ZNF483: variants seen among roughly 807,000 people sequenced by gnomAD.
ZNF483 encodes the protein zinc finger protein HIT-10.
ZNF483 carries 9 observed loss-of-function variants against 28.6 expected under a neutral mutation model. That is an observed-to-expected ratio of 0.32 (90% CI 0.19 to 0.55). The LOEUF is 0.55. Among genes scored for constraint, ZNF483 ranks in the 20% least tolerant of loss-of-function variants. The pLI is 0.93. For synonymous variants in ZNF483, 322 were observed against 306.2 expected, an observed-to-expected ratio of 1.05 and a Z score of -0.54; for missense variants, 675 against 871.7, an observed-to-expected ratio of 0.77 and a Z score of 2.84.
chr9:111,558,695 T>C (rs1310437604), downstream of ZNF483, among the ~76,000 whole-genome samples: 1 of 152,196 alleles, frequency 6.6e-6, no homozygotes, highest in Non-Finnish European at 1.5e-5. Context: ...CAGAGTTATA[T>C]ATATATGTGC....
rs924454546 is a variant in ZNF483 at position 111,546,775 on chromosome 9, A to G, written c.*3605A>G. 1.3e-5 allele frequency among the ~76,000 whole-genome samples: 2 copies of G among 152,156 alleles called. No individual in the cohort carries two copies. Among genetic ancestry groups the G allele is most frequent in the Admixed American group, 6.5e-5 (1 of 15,274 alleles). On this transcript the variant is annotated 3_prime_UTR_variant, in exon 6 of 6. Coordinates refer to ENST00000309235, the MANE Select transcript of ZNF483 (RefSeq NM_133464.5). The stretch of plus-strand genomic sequence containing the variant: ...CACATTTTGTGCAGTCATCACCACT[A>G]TCCATCTCCAGAACTTTTTCATCAT...
intron 5 of ZNF483, among the ~76,000 whole-genome samples, chr9:111,573,970 G>A (rs1172789124): frequency 1.3e-5 from 2 of 152,140 alleles, no homozygotes; most frequent in Admixed American, 6.6e-5. Flanking sequence ...CCCTTTTAGT[G>A]GCAATTGTCA....
At chr9:111,557,903 C>T (rs1335784009), downstream of ZNF483, among the ~76,000 whole-genome samples, 3 of 151,904 alleles carry the variant, frequency 2.0e-5, no homozygotes, top group African/African-American at 7.3e-5. Flanking sequence ...AATCCCAGCG[C>T]TTTGGGAGGC....
At chr9:111,532,866 G>A (rs775116639) in intron 3 of ZNF483, among the ~76,000 whole-genome samples, 5 of 151,298 alleles carry the variant, frequency 3.3e-5, no homozygotes, top group Non-Finnish European at 7.4e-5. Flanking sequence ...CCGAGATCAT[G>A]CCACTGCACT....
intron 5 of ZNF483, among the ~76,000 whole-genome samples, chr9:111,573,416 C>T (rs541783092): frequency 6.6e-6 from 1 of 152,208 alleles, no homozygotes; most frequent in Non-Finnish European, 1.5e-5. Flanking sequence ...CTAGCCCCCC[C>T]ATCTCCATAC....
chr9:111,529,883 A>G (rs968668547), intron 2 of ZNF483, among the ~76,000 whole-genome samples: 1 of 152,230 alleles, frequency 6.6e-6, no homozygotes, highest in African/African-American at 2.4e-5. Flanking sequence ...TAGAACAGTA[A>G]GAGTATCTTT....
rs550379725 is a variant in ZNF483 at position 111,554,473 on chromosome 9, A to G, written c.*11303A>G. On this transcript the variant is annotated 3_prime_UTR_variant, in exon 6 of 6. Transcript: ENST00000309235. ...AACTCTTTCTTCCCACACTTAATGC[A>G]TACAGTAGCCCCCTTATCCATGGGG... Among the ~76,000 whole-genome samples the G allele has an allele frequency of 2.0e-5, 3 of 152,316 alleles. No individual in the cohort carries two copies. Among genetic ancestry groups the G allele is most frequent in the South Asian group, 2.1e-4 (1 of 4,826 alleles).
intron 5 of ZNF483, among the ~76,000 whole-genome samples, chr9:111,536,872 T>C (rs545778216): frequency 6.6e-6 from 1 of 152,304 alleles, no homozygotes; most frequent in East Asian, 1.9e-4. Flanking sequence ...AGAAAAATGC[T>C]ATTAAGACAA....
At position 111,548,240 on chromosome 9, in the gene ZNF483, G is replaced by T. The variant is rs1248499383; in HGVS notation, c.*5070G>T. ...GAATTTGTAGATCGCTTTGGGTAAT[G>T]TGGACATACTAACAATAACAAACAT... On this transcript the variant is annotated 3_prime_UTR_variant, in exon 6 of 6. Transcript: ENST00000309235. Among the ~76,000 whole-genome samples the T allele has an allele frequency of 6.6e-6, 1 of 152,154 alleles. No individual in the cohort carries two copies. Among genetic ancestry groups the T allele is most frequent in the Non-Finnish European group, 1.5e-5 (1 of 67,992 alleles).
intron 5 of ZNF483, among the ~76,000 whole-genome samples, chr9:111,540,138 ATTTTAAAAAAT>A (rs1827637295): frequency 6.6e-6 from 1 of 152,206 alleles, no homozygotes; most frequent in African/African-American, 2.4e-5. Context: ...TCTCTAAAAA[ATTTTAAAAAAT>A]TTTTTAAAAA....
Position 111,543,456 on chromosome 9 carries a change from A to G in ZNF483, c.*286A>G. ...AGGGGATTTCTCTCTGATTTCTTCT[A>G]CTACCATGTAGTGTGATGGAGAGAA... On this transcript the variant is annotated 3_prime_UTR_variant, in exon 6 of 6. Transcript: ENST00000309235. The G allele has an allele frequency of 8.6e-7, 1 of 1,157,578 alleles. No individual in the cohort carries two copies. Among genetic ancestry groups the G allele is most frequent in the South Asian group, 2.6e-5 (1 of 38,418 alleles). The allele number at this position is 1,157,578 out of a possible 1,614,324, so 71.7% of individuals were successfully genotyped here.
rs750055965 is a variant in ZNF483, at chr9:111,530,960, C to G, written c.498C>G (p.Ser166=). 6.7e-7 allele frequency: 1 copy of G among 1,488,948 alleles called. No individual in the cohort carries two copies. The highest frequency in any genetic ancestry group is 9.1e-7 in the Non-Finnish European group (1 of 1,097,118). 92.2% of individuals were successfully genotyped at this position (1,488,948 alleles called of 1,614,324 possible). The part of the protein sequence containing the change: ...KMVTVCPNTE[S]CESITLKDVA... ...TCACTGTTTGTCCCAATACTGAGTCCTGTGTAAGTTTCCTTTGATGGTTTT... is the reference window on the plus strand; with the variant it reads ...TCACTGTTTGTCCCAATACTGAGTCGTGTGTAAGTTTCCTTTGATGGTTTT... The change falls in exon 3 of 6, where the codon TCC becomes TCG. Residue 166 remains serine, a synonymous_variant. Transcript: ENST00000309235.
downstream of ZNF483, among the ~76,000 whole-genome samples, chr9:111,556,431 C>T (rs1431577833): frequency 6.6e-6 from 1 of 152,212 alleles, no homozygotes; most frequent in African/African-American, 2.4e-5. Context: ...GGCTCCATCC[C>T]CATGTTATCC....
At chr9:111,567,051 A>G (rs1454933064) in intron 5 of ZNF483, among the ~76,000 whole-genome samples, 12 of 150,530 alleles carry the variant, frequency 8.0e-5, no homozygotes, top group Non-Finnish European at 1.5e-4. Flanking sequence ...ACGGCACTGC[A>G]CTCCAGCCTG....
At position 111,546,834 on chromosome 9, in the gene ZNF483, ACT is replaced by A. The variant is rs1221942502; in HGVS notation, c.*3666_*3667del. Among the ~76,000 whole-genome samples, 1 of 151,766 alleles carries A rather than the reference ACT, an allele frequency of 6.6e-6. No homozygotes were observed. Among genetic ancestry groups the A allele is most frequent in the Non-Finnish European group, 1.5e-5 (1 of 67,910 alleles). ...GAAACTCTGTACTCCTTAAACAGTAACTCCCCATTTTCTCCTCCTCAGGCTCC... is the reference window on the plus strand; with the variant it reads ...GAAACTCTGTACTCCTTAAACAGTAACCCCATTTTCTCCTCCTCAGGCTCC... On this transcript the variant is annotated 3_prime_UTR_variant, in exon 6 of 6. Transcript: ENST00000309235.
At chr9:111,531,537 C>G (rs750498836) in intron 3 of ZNF483, among the ~76,000 whole-genome samples, 1 of 151,812 alleles carries the variant, frequency 6.6e-6, no homozygotes, top group Non-Finnish European at 1.5e-5. Flanking sequence ...CCACCATGCC[C>G]GGCTAATTTT....
chr9:111,576,285 T>C, intron 5 of ZNF483: 6 of 1,443,740 alleles, frequency 4.2e-6, no homozygotes, highest in Non-Finnish European at 5.8e-6. Context: ...ATTTCATATT[T>C]GCATATTGTA....
chr9:111,562,859 T>G (rs1828372935), intron 5 of ZNF483: 1 of 1,009,696 alleles, frequency 9.9e-7, no homozygotes, highest in South Asian at 2.9e-5. Flanking sequence ...TTTGGAAAAT[T>G]TTCACACTTC....
At chr9:111,529,943 C>G (rs967667025) in intron 2 of ZNF483, among the ~76,000 whole-genome samples, 1 of 152,168 alleles carries the variant, frequency 6.6e-6, no homozygotes, top group African/African-American at 2.4e-5. Flanking sequence ...AGCTCCTGAG[C>G]TATAAAGGAG....
Sources: allele counts gnomAD v4.1 joint callset (sites outside exome capture counted in the v4.1 genomes callset), GRCh38; gene constraint gnomAD v4.1.1; transcripts MANE v1.5; gene names NCBI Gene and HGNC (gene_info 2026-07-23, HGNC 2026-07-21).